AHCY: variants seen among roughly 807,000 people sequenced by gnomAD.
AHCY encodes adenosylhomocysteinase.
A neutral mutation model predicts 45.4 loss-of-function variants in AHCY; 24 were observed. The observed-to-expected ratio is 0.53, with a 90% CI of 0.38 to 0.74. The LOEUF is 0.74. AHCY is among the 30% of genes least tolerant of loss of function. AHCY has a pLI of 0.00. For synonymous variants in AHCY, 245 were observed against 235.1 expected (o/e 1.04, Z -0.39); for missense variants, 449 against 594.1 (o/e 0.76, Z 2.54).
chr20:34,237,886 C>G, the AHCY span, among the ~76,000 whole-genome samples: 103 of 152,156 alleles, frequency 6.8e-4, 1 homozygote, highest in East Asian at 0.018. Context: ...TTGTCAAATG[C>G]TTTTCCTGCA....
the AHCY span, chr20:34,269,472 C>T: frequency 2.5e-6 from 1 of 393,116 alleles, no homozygotes; most frequent in Middle Eastern, 6.7e-4. Flanking sequence ...CTCCCAGTCA[C>T]CGCTGCTGCC....
chr20:34,265,176 G>T, the AHCY span, among the ~76,000 whole-genome samples: 7 of 152,048 alleles, frequency 4.6e-5, no homozygotes, highest in African/African-American at 1.4e-4. Context: ...TATCAGTAAG[G>T]CTTCCTTCTG....
chr20:34,268,561 A>C, the AHCY span, among the ~76,000 whole-genome samples: 1 of 151,966 alleles, frequency 6.6e-6, no homozygotes, highest in Admixed American at 6.6e-5. Context: ...GTCTATAAAA[A>C]CATAGAAAAT....
chr20:34,269,061 A>G, the AHCY span: 1 of 1,597,140 alleles, frequency 6.3e-7, no homozygotes, highest in Non-Finnish European at 8.5e-7. Flanking sequence ...GCCACCCGCA[A>G]CAGCTGCAAG....
At chr20:34,262,743 C>T in the AHCY span, 1 of 1,466,610 alleles carries the variant, frequency 6.8e-7, no homozygotes, top group East Asian at 2.3e-5. Context: ...GACCTTGTGA[C>T]TTCCCAAGCC....
chr20:34,299,940 T>A (rs1360710450), intron 1 of AHCY, among the ~76,000 whole-genome samples: 1 of 152,190 alleles, frequency 6.6e-6, no homozygotes, highest in East Asian at 1.9e-4. Flanking sequence ...ATCCCAGCAC[T>A]TTGGGAGGCC....
the AHCY span, among the ~76,000 whole-genome samples, chr20:34,267,418 T>A: frequency 7.9e-6 from 1 of 126,192 alleles, no homozygotes; most frequent in Non-Finnish European, 1.5e-5. Flanking sequence ...ACATCTGTAA[T>A]CTCAGCACTT....
At chr20:34,292,324 C>G (rs748608602) in intron 4 of AHCY, 34 bp downstream of exon 4, 1 of 1,607,638 alleles carries the variant, frequency 6.2e-7, no homozygotes, top group South Asian at 1.1e-5. Context: ...ACCCAGGCCA[C>G]CAGCACCCAG....
At chr20:34,269,138 T>A in the AHCY span, 1 of 1,549,848 alleles carries the variant, frequency 6.5e-7, no homozygotes, top group Non-Finnish European at 8.7e-7. Context: ...CAGCGCCTGC[T>A]CCTGCCGCGT....
chr20:34,297,721 A>G (rs942109053), intron 1 of AHCY, among the ~76,000 whole-genome samples: 1 of 152,158 alleles, frequency 6.6e-6, no homozygotes, highest in African/African-American at 2.4e-5. Flanking sequence ...TCCCCATTGA[A>G]TGACAATCTC....
At chr20:34,270,301 G>T in the AHCY span, among the ~76,000 whole-genome samples, 2 of 151,736 alleles carry the variant, frequency 1.3e-5, no homozygotes, top group Non-Finnish European at 2.9e-5. Flanking sequence ...TAAATCCAAG[G>T]TAGTGTCCTG....
rs916493421 is a variant in AHCY at position 34,280,961 on chromosome 20, C to T, written c.*73G>A. ...GACAAACCAATCACAAAGTTGGTGC[C>T]ATTAGCTCTTAGGGAGGAGAGGTGG... On this transcript the variant is annotated 3_prime_UTR_variant, in exon 10 of 10. Transcript: ENST00000217426. The T allele has an allele frequency of 8.1e-6, 13 of 1,602,842 alleles. No homozygotes were observed. The highest frequency in any genetic ancestry group is 1.1e-5 in the Non-Finnish European group (13 of 1,174,758).
In AHCY at chr20:34,281,029, G is replaced by A; in HGVS notation, c.*5C>T. The A allele has an allele frequency of 6.2e-7, 1 of 1,614,112 alleles. No homozygotes were observed. On this transcript the variant is annotated 3_prime_UTR_variant, in exon 10 of 10. Coordinates refer to ENST00000217426, the MANE Select transcript of AHCY (RefSeq NM_000687.4). ...CAGCTGGAGGGTGAAACGCAGACCTGGCTCTCAGTAGCGGTAGTGATCCGG... is the reference window on the plus strand; with the variant it reads ...CAGCTGGAGGGTGAAACGCAGACCTAGCTCTCAGTAGCGGTAGTGATCCGG...
At chr20:34,249,129 G>A in the AHCY span, among the ~76,000 whole-genome samples, 31 of 146,852 alleles carry the variant, frequency 2.1e-4, no homozygotes, top group African/African-American at 2.5e-4. Context: ...ACCCTGTCTC[G>A]AAAAAAAAAA....
rs1555835400 is a variant in AHCY at position 34,295,517 on chromosome 20, T to C, written c.97A>G (p.Met33Val). The change falls in exon 2 of 10, where the codon ATG (methionine) becomes GTG (valine). Residue 33 changes from methionine to valine, a missense_variant. Transcript: ENST00000217426. ...DIAENEMPGL[M>V]RMRERYSASK... ...GCCGAGTACCGCTCCCGCATACGCA[T>C]CAGGCCCGGCATCTCGTTCTCAGCA... 2 of 1,613,952 alleles carry C rather than the reference T, an allele frequency of 1.2e-6. No individual in the cohort carries two copies. Among genetic ancestry groups the C allele is most frequent in the South Asian group, 2.2e-5 (2 of 91,084 alleles).
chr20:34,292,717 C>T (rs888964585), intron 3 of AHCY, among the ~76,000 whole-genome samples: 5 of 152,218 alleles, frequency 3.3e-5, no homozygotes, highest in Non-Finnish European at 7.3e-5. Context: ...AGCTGTGTGA[C>T]CTTGGGCAAA....
At chr20:34,265,033 C>T in the AHCY span, among the ~76,000 whole-genome samples, 1 of 151,960 alleles carries the variant, frequency 6.6e-6, no homozygotes, top group Non-Finnish European at 1.5e-5. Context: ...TGAGTTCAGG[C>T]AATCCGCTGC....
chr20:34,275,161 C>T, the AHCY span, among the ~76,000 whole-genome samples: 105 of 135,220 alleles, frequency 7.8e-4, no homozygotes, highest in Non-Finnish European at 1.3e-3. Context: ...GAGATGGAGT[C>T]TCGCTCTGTC....
At chr20:34,269,027 AC>A in the AHCY span, 14 of 1,606,796 alleles carry the variant, frequency 8.7e-6, no homozygotes, top group Admixed American at 1.7e-5. Flanking sequence ...GCGGCCCCGG[AC>A]CCCCCTATCT....
Sources: gnomAD v4.1 joint callset for allele counts (sites outside exome capture counted in the v4.1 genomes callset) on GRCh38, gnomAD v4.1.1 for gene constraint, MANE v1.5 for transcripts, NCBI Gene and HGNC (gene_info 2026-07-23, HGNC 2026-07-21) for gene names.